The following CRIM1 variants were observed in gnomAD, a reference collection of about 807,000 sequenced individuals.
CRIM1 encodes the protein cysteine rich transmembrane BMP regulator 1.
A neutral mutation model predicts 116.4 loss-of-function variants in CRIM1; 32 were observed. The observed-to-expected ratio is 0.27, with a 90% CI of 0.21 to 0.37. The LOEUF is 0.37. Ranked by LOEUF, CRIM1 falls within the 10% of genes least tolerant of loss-of-function variation. The probability of loss-of-function intolerance (pLI) is 1.00; values close to 1 mark genes in which losing one functional copy is unlikely to be tolerated. For missense variants in CRIM1, 1,331 were observed against 1,354.8 expected, an observed-to-expected ratio of 0.98 and a Z score of 0.28; for synonymous variants, 590 against 509.2, an observed-to-expected ratio of 1.16 and a Z score of -2.13.
rs1667615984 is a variant in CRIM1, at chr2:36,549,755, CTT to C, written c.*1056_*1057del. 1 of 152,126 alleles carries C rather than the reference CTT, an allele frequency of 6.6e-6. No individual in the cohort carries two copies. Among genetic ancestry groups the C allele is most frequent in the Non-Finnish European group, 1.5e-5 (1 of 67,962 alleles). The allele number at this position is 152,126 out of a possible 1,614,324, so 9.4% of individuals were successfully genotyped here. A position where few individuals can be genotyped will look rare whatever the true frequency, so the allele number is the denominator to read the frequency against. ...TTGAAGCTCAAAAAAAATGATGCCTCTTTAAACTTTAGCAATTATAGGAGTAT... is the reference window on the plus strand; with the variant it reads ...TTGAAGCTCAAAAAAAATGATGCCTCTAAACTTTAGCAATTATAGGAGTAT... On this transcript the variant is annotated 3_prime_UTR_variant, in exon 17 of 17. Coordinates refer to ENST00000280527, the MANE Select transcript of CRIM1 (RefSeq NM_016441.3).
At chr2:36,414,631 G>T (rs1673464092) in intron 2 of CRIM1, among the ~76,000 whole-genome samples, 1 of 152,234 alleles carries the variant, frequency 6.6e-6, no homozygotes, top group South Asian at 2.1e-4. Flanking sequence ...TTTTAAGTTG[G>T]ACTGAAAGGT....
intron 1 of CRIM1, among the ~76,000 whole-genome samples, chr2:36,376,984 T>G (rs560329031): frequency 6.6e-5 from 10 of 152,206 alleles, no homozygotes; most frequent in Non-Finnish European, 1.3e-4. Context: ...CTGAGCTCTG[T>G]CTTTTGTCTC....
At chr2:36,498,467 A>G (rs1416119383) in intron 7 of CRIM1, among the ~76,000 whole-genome samples, 1 of 152,214 alleles carries the variant, frequency 6.6e-6, no homozygotes, top group Non-Finnish European at 1.5e-5. Flanking sequence ...AACCTTATAT[A>G]AATACATAAT....
chr2:36,456,249 C>A (rs535451510), intron 4 of CRIM1, among the ~76,000 whole-genome samples: 1 of 152,186 alleles, frequency 6.6e-6, no homozygotes, highest in Non-Finnish European at 1.5e-5. Context: ...AGGGCCAGAA[C>A]CCTGTGTATC....
Position 36,423,141 on chromosome 2 carries a change from C to T in CRIM1, c.506-18117C>T, listed in dbSNP as rs182350403. On this transcript the variant is annotated intron_variant, in intron 2 of 16. Transcript: ENST00000280527. ...GTACTTTCAAATTCATTTTAATGTA[C>T]CATAGCCCTTTAAAAATGACAAATA... Among the ~76,000 whole-genome samples, 643 of 152,210 alleles carry T rather than the reference C, an allele frequency of 4.2e-3. 4 individuals are homozygous for T. Among genetic ancestry groups the T allele is most frequent in the Middle Eastern group, 0.01 (3 of 294 alleles).
chr2:36,545,497 A>C (rs1211890501), intron 15 of CRIM1, among the ~76,000 whole-genome samples: 1 of 152,186 alleles, frequency 6.6e-6, no homozygotes, highest in Non-Finnish European at 1.5e-5. Flanking sequence ...TATGTTATAA[A>C]GCCCCTAAAG....
chr2:36,401,921 C>G (rs560629666), intron 2 of CRIM1, among the ~76,000 whole-genome samples: 1 of 152,270 alleles, frequency 6.6e-6, no homozygotes, highest in Non-Finnish European at 1.5e-5. Flanking sequence ...CAAAGGGGGA[C>G]TTGGACTGAA....
chr2:36,396,322 G>A (rs769785769), intron 1 of CRIM1, among the ~76,000 whole-genome samples: 1 of 152,152 alleles, frequency 6.6e-6, no homozygotes, highest in Non-Finnish European at 1.5e-5. Context: ...ATTTTTAAAG[G>A]CATCTCAGTT....
chr2:36,443,336 G>A (rs2124942835), intron 4 of CRIM1, among the ~76,000 whole-genome samples: 1 of 152,228 alleles, frequency 6.6e-6, no homozygotes, highest in Non-Finnish European at 1.5e-5. Context: ...AGAACATGAG[G>A]ATCTCCGGGT....
At chr2:36,434,907 A>G (rs1675178904) in intron 2 of CRIM1, among the ~76,000 whole-genome samples, 1 of 152,086 alleles carries the variant, frequency 6.6e-6, no homozygotes, top group East Asian at 1.9e-4. Flanking sequence ...CCCTTCTTTC[A>G]TGCAAGCCTG....
chr2:36,405,148 A>G (rs1457667290), intron 2 of CRIM1, among the ~76,000 whole-genome samples: 1 of 152,208 alleles, frequency 6.6e-6, no homozygotes, highest in Non-Finnish European at 1.5e-5. Flanking sequence ...TTTTATTTAT[A>G]TAACTTTTTT....
At chr2:36,470,469 C>G (rs552427938) in intron 5 of CRIM1, among the ~76,000 whole-genome samples, 1 of 152,248 alleles carries the variant, frequency 6.6e-6, no homozygotes, top group Admixed American at 6.5e-5. Flanking sequence ...TTATTAGGGG[C>G]TAATGCAGCT....
chr2:36,497,574 T>C (rs1039466701), intron 7 of CRIM1, among the ~76,000 whole-genome samples: 4 of 152,212 alleles, frequency 2.6e-5, no homozygotes, highest in African/African-American at 9.6e-5. Flanking sequence ...TATTTTTTGA[T>C]GTTTACAGTT....
At chr2:36,539,104 G>A (rs59154738) in intron 14 of CRIM1, among the ~76,000 whole-genome samples, 9,583 of 152,258 alleles carry the variant, frequency 0.063, 834 homozygotes, top group East Asian at 0.43. Flanking sequence ...CACCAAGATG[G>A]GGATCCGGCT....
chr2:36,479,201 G>A (rs1679215025), intron 6 of CRIM1, among the ~76,000 whole-genome samples: 1 of 152,212 alleles, frequency 6.6e-6, no homozygotes, highest in Non-Finnish European at 1.5e-5. Flanking sequence ...CCAACCCACA[G>A]CTCTTGCCAC....
chr2:36,473,963 C>T (rs1229607196), intron 5 of CRIM1, among the ~76,000 whole-genome samples: 2 of 152,010 alleles, frequency 1.3e-5, no homozygotes, highest in African/African-American at 2.4e-5. Context: ...TTTACATCCT[C>T]ACTAAAAATC....
intron 2 of CRIM1, among the ~76,000 whole-genome samples, chr2:36,430,518 G>A (rs1042227071): frequency 1.3e-5 from 2 of 152,234 alleles, no homozygotes; most frequent in African/African-American, 2.4e-5. Flanking sequence ...TTGCTCAGCT[G>A]CAGCTCACAT....
intron 1 of CRIM1, among the ~76,000 whole-genome samples, chr2:36,370,740 G>GAA (rs1669889460): frequency 1.3e-5 from 2 of 152,150 alleles, no homozygotes; most frequent in African/African-American, 4.8e-5. Context: ...AAAAGAGAGA[G>GAA]AAGGGATAAA....
At chr2:36,532,886 A>G (rs1666212663) in intron 13 of CRIM1, among the ~76,000 whole-genome samples, 1 of 152,246 alleles carries the variant, frequency 6.6e-6, no homozygotes, top group African/African-American at 2.4e-5. Context: ...GTGGGCATTC[A>G]GTAAGTGGAA....
Sources: allele counts gnomAD v4.1 joint callset (sites outside exome capture counted in the v4.1 genomes callset), GRCh38; gene constraint gnomAD v4.1.1; transcripts MANE v1.5; gene names NCBI Gene and HGNC (gene_info 2026-07-23, HGNC 2026-07-21).